The following PRKN variants were observed in gnomAD, a reference collection of about 807,000 sequenced individuals.
PRKN encodes the protein parkin RBR E3 ubiquitin protein ligase, also known as E3 ubiquitin-protein ligase parkin.
In PRKN, 56 loss-of-function variants were observed where a neutral mutation model predicts 59.5. That is an observed-to-expected ratio of 0.94 (90% CI 0.76 to 1.18). The LOEUF is 1.18. Among genes scored for constraint, PRKN ranks in the 50% most tolerant of loss-of-function variants. The probability of loss-of-function intolerance (pLI) is 0.00; values close to 1 mark genes in which losing one functional copy is unlikely to be tolerated. For synonymous variants in PRKN, 250 were observed against 222.1 expected (o/e 1.13, Z -1.12); for missense variants, 657 against 596.4 (o/e 1.10, Z -1.06).
intron 4 of PRKN, among the ~76,000 whole-genome samples, chr6:162,156,550 C>T (rs575457256): frequency 3.4e-4 from 51 of 152,216 alleles, no homozygotes; most frequent in South Asian, 6.2e-4. Flanking sequence ...GCATCCAGCA[C>T]GGGAGAAAGA....
chr6:161,802,363 C>G (rs1421494019), intron 6 of PRKN, among the ~76,000 whole-genome samples: 1 of 151,926 alleles, frequency 6.6e-6, no homozygotes, highest in African/African-American at 2.4e-5. Flanking sequence ...GCTCAGTGAA[C>G]TCTGTGACCC....
At chr6:162,012,294 T>C (rs1782759535) in intron 5 of PRKN, among the ~76,000 whole-genome samples, 1 of 152,172 alleles carries the variant, frequency 6.6e-6, no homozygotes, top group Non-Finnish European at 1.5e-5. Flanking sequence ...GGTATTTTTT[T>C]CACGTTTAGT....
chr6:161,459,792 C>T lies in PRKN; in HGVS notation c.1084-72915G>A, dbSNP rs1340365136. On this transcript the variant is annotated intron_variant, in intron 9 of 11. Transcript: ENST00000366898. This position sits in a 1 kb window ranked among gnomAD's most constrained non-coding sequence, Gnocchi z 4.8. The stretch of plus-strand genomic sequence containing the variant: ...AGTTATTTGGTTTTCTCTTTGTCTC[C>T]TTCTTCATAATTTAGAGGCTTTCAA... 6.6e-6 allele frequency among the ~76,000 whole-genome samples: 1 copy of T among 152,052 alleles called. No individual in the cohort carries two copies. Among genetic ancestry groups the T allele is most frequent in the African/African-American group, 2.4e-5 (1 of 41,398 alleles).
At chr6:162,443,550 C>A in intron 1 of PRKN, 77 bp from the exon 2 acceptor site, 1 of 1,357,026 alleles carries the variant, frequency 7.4e-7, no homozygotes, top group South Asian at 1.2e-5. Flanking sequence ...CAACATTTCT[C>A]AACCGATTTA....
Position 161,833,513 on chromosome 6 carries a change from T to C in PRKN, c.735-47605A>G, listed in dbSNP as rs188967138. On this transcript the variant is annotated intron_variant, in intron 6 of 11. Transcript: ENST00000366898. ...GTTCTAGGACCATTAGCATTTTTTTTTCCCTGGGCTGCCTCAGTCTTGACA... is the reference window on the plus strand; with the variant it reads ...GTTCTAGGACCATTAGCATTTTTTTCTCCCTGGGCTGCCTCAGTCTTGACA... Among the ~76,000 whole-genome samples, 795 of 152,332 alleles carry C rather than the reference T, an allele frequency of 5.2e-3. 5 individuals carry two copies. Among genetic ancestry groups the C allele is most frequent in the African/African-American group, 0.018 (768 of 41,556 alleles).
In PRKN at chr6:161,545,193, T is replaced by C. The variant is rs1779752546; in HGVS notation, c.1083+3661A>G. The C allele has an allele frequency of 5.1e-6, 7 of 1,371,508 alleles. No homozygotes were observed. The highest frequency in any genetic ancestry group is 1.5e-5 in the African/African-American group (1 of 68,094). 85.0% of individuals were successfully genotyped at this position (1,371,508 alleles called of 1,614,324 possible). On this transcript the variant is annotated intron_variant, in intron 9 of 11. Transcript: ENST00000366898. The surrounding 1 kb of genome is among the most constrained non-coding windows in gnomAD (Gnocchi z 4.1). ...CATACCCACATGGTAAGAGTTGTAC[T>C]TTTTCTATCTTGATAATTGAGGGAA...
intron 6 of PRKN, among the ~76,000 whole-genome samples, chr6:161,812,404 A>G (rs1030134775): frequency 5.9e-5 from 9 of 152,152 alleles, no homozygotes; most frequent in African/African-American, 7.2e-5. Context: ...GGGGGAAAAA[A>G]AACTTTGAAA....
chr6:161,654,121 C>T (rs976409585), intron 7 of PRKN, among the ~76,000 whole-genome samples: 5 of 151,740 alleles, frequency 3.3e-5, no homozygotes, highest in Admixed American at 1.3e-4. Context: ...TGTGAGCCAC[C>T]GCACTTGGCT....
intron 1 of PRKN, among the ~76,000 whole-genome samples, chr6:162,679,687 T>C (rs1011717565): frequency 6.6e-6 from 1 of 152,138 alleles, no homozygotes; most frequent in Non-Finnish European, 1.5e-5. Flanking sequence ...TGGGAGACAA[T>C]GTAGGCCAAA....
intron 2 of PRKN, among the ~76,000 whole-genome samples, chr6:162,438,302 A>T (rs1295752897): frequency 6.6e-6 from 1 of 152,028 alleles, no homozygotes; most frequent in Non-Finnish European, 1.5e-5. Flanking sequence ...TTTTGCTGCA[A>T]CCCTCTAACA....
chr6:162,403,712 G>A (rs1787917830), intron 2 of PRKN, among the ~76,000 whole-genome samples: 1 of 152,148 alleles, frequency 6.6e-6, no homozygotes, highest in Non-Finnish European at 1.5e-5. Flanking sequence ...GGACAGAACT[G>A]GATCAAGTTC....
chr6:162,306,123 AT>A (rs149679445), intron 2 of PRKN, among the ~76,000 whole-genome samples: 3,952 of 152,278 alleles, frequency 0.026, 159 homozygotes, highest in African/African-American at 0.087. Flanking sequence ...CAAATAGTAT[AT>A]TGTAAATATT....
At chr6:162,680,348 GTA>G (rs537043455) in intron 1 of PRKN, among the ~76,000 whole-genome samples, 6 of 150,418 alleles carry the variant, frequency 4.0e-5, no homozygotes, top group Non-Finnish European at 5.9e-5. Flanking sequence ...GTATGTGTGT[GTA>G]TATATATATT....
Position 161,373,150 on chromosome 6 carries a change from C to T in PRKN, c.1168-12945G>A, listed in dbSNP as rs1479827401. Among the ~76,000 whole-genome samples the T allele has an allele frequency of 6.6e-6, 1 of 152,140 alleles. No homozygotes were observed. The highest frequency in any genetic ancestry group is 1.9e-4 in the East Asian group (1 of 5,178). On this transcript the variant is annotated intron_variant, in intron 10 of 11. Transcript: ENST00000366898. This position sits in a 1 kb window ranked among gnomAD's most constrained non-coding sequence, Gnocchi z 4.8. ...CTTCTCTGGGAAACCGAGGTCTTTG[C>T]TCGTCAGGCCTTCCATGGACTGGGT...
At chr6:161,979,834 T>C (rs1740594361) in intron 5 of PRKN, among the ~76,000 whole-genome samples, 1 of 152,172 alleles carries the variant, frequency 6.6e-6, no homozygotes, top group South Asian at 2.1e-4. Flanking sequence ...GTGGTATTCC[T>C]GGAAGCCACT....
At position 161,386,153 on chromosome 6, in the gene PRKN, A is replaced by T. The variant is rs1269185004; in HGVS notation, c.1167+641T>A. The stretch of plus-strand genomic sequence containing the variant: ...TGTTAACATCTACATTGGGAGAAAA[A>T]TAATGAGCAAATTCATCTACTGTGA... On this transcript the variant is annotated intron_variant, in intron 10 of 11. Coordinates refer to ENST00000366898, the MANE Select transcript of PRKN (RefSeq NM_004562.3). The surrounding 1 kb of genome is among the most constrained non-coding windows in gnomAD (Gnocchi z 4.3). 6.6e-6 allele frequency among the ~76,000 whole-genome samples: 1 copy of T among 152,230 alleles called. No individual in the cohort carries two copies. Among genetic ancestry groups the T allele is most frequent in the Non-Finnish European group, 1.5e-5 (1 of 68,046 alleles).
At chr6:161,511,095 T>G (rs1166749131) in intron 9 of PRKN, among the ~76,000 whole-genome samples, 1 of 152,220 alleles carries the variant, frequency 6.6e-6, no homozygotes, top group Non-Finnish European at 1.5e-5. Context: ...TCTTAAAATT[T>G]GATAAGACAT....
chr6:162,299,202 A>T (rs1781829224), intron 2 of PRKN, among the ~76,000 whole-genome samples: 1 of 152,140 alleles, frequency 6.6e-6, no homozygotes, highest in African/African-American at 2.4e-5. Context: ...GGGCAGACAG[A>T]GACACTGTGC....
At chr6:161,779,645 A>G (rs989188632) in intron 7 of PRKN, among the ~76,000 whole-genome samples, 3 of 151,462 alleles carry the variant, frequency 2.0e-5, no homozygotes, top group East Asian at 3.9e-4. Context: ...GGGTTTCATC[A>G]TGTTGGCCTG....
Sources: gnomAD v4.1 joint callset for allele counts (sites outside exome capture counted in the v4.1 genomes callset) on GRCh38, gnomAD v4.1.1 for gene constraint, Gnocchi (gnomAD v3.1) non-coding constraint, MANE v1.5 for transcripts, NCBI Gene and HGNC (gene_info 2026-07-23, HGNC 2026-07-21) for gene names.